The following VAV2 variants were observed in gnomAD, a reference collection of about 807,000 sequenced individuals.
VAV2 encodes the protein vav guanine nucleotide exchange factor 2.
VAV2 carries 67 observed loss-of-function variants against 132.5 expected under a neutral mutation model. The ratio of observed to expected loss-of-function variants is 0.51; its 90% CI spans 0.42 to 0.62. The LOEUF (loss-of-function observed/expected upper bound fraction) is 0.62. VAV2 is among the 20% of genes least tolerant of loss of function. The pLI is 0.00. For missense variants in VAV2, 938 were observed against 1,153.6 expected (o/e 0.81, Z 2.71); for synonymous variants, 492 against 443.5 (o/e 1.11, Z -1.37).
At chr9:133,822,077 C>A (rs1217367021) in intron 4 of VAV2, among the ~76,000 whole-genome samples, 1 of 152,200 alleles carries the variant, frequency 6.6e-6, no homozygotes, top group East Asian at 1.9e-4. Context: ...ACCCTGAGGC[C>A]CCAGCCCAAC....
At chr9:133,933,812 A>ATGAATGGATGAG (rs1840785722) in intron 2 of VAV2, among the ~76,000 whole-genome samples, 1 of 135,370 alleles carries the variant, frequency 7.4e-6, no homozygotes, top group African/African-American at 2.8e-5. Flanking sequence ...TGAATGATGG[A>ATGAATGGATGAG]TGAATGGATG....
intron 2 of VAV2, among the ~76,000 whole-genome samples, chr9:133,906,277 G>C (rs984256488): frequency 1.3e-5 from 2 of 152,316 alleles, no homozygotes; most frequent in East Asian, 1.9e-4. Context: ...TGGAAACGCA[G>C]GGCTGTTTTC....
At chr9:133,982,409 G>A (rs1374357806) in intron 1 of VAV2, among the ~76,000 whole-genome samples, 9 of 126,256 alleles carry the variant, frequency 7.1e-5, no homozygotes, top group African/African-American at 2.6e-4. Context: ...AGGCTGGCAG[G>A]GCAGGAGGCC....
At chr9:133,932,004 T>C (rs1166492227) in intron 2 of VAV2, among the ~76,000 whole-genome samples, 7 of 152,276 alleles carry the variant, frequency 4.6e-5, no homozygotes, top group Middle Eastern at 3.4e-3. Context: ...CTGTGCTCAG[T>C]CCCAGCTCGC....
chr9:133,933,706 GGT>G (rs1840775188), intron 2 of VAV2, among the ~76,000 whole-genome samples: 1 of 145,698 alleles, frequency 6.9e-6, no homozygotes, highest in Non-Finnish European at 1.5e-5. Context: ...ATGGATGGAT[GGT>G]GAGTGGGTGG....
At chr9:133,957,180 C>T (rs635739) in intron 1 of VAV2, among the ~76,000 whole-genome samples, 51,618 of 152,016 alleles carry the variant, frequency 0.34, 9,772 homozygotes, top group Non-Finnish European at 0.43. Context: ...CTGGCAGTTA[C>T]GGGCCTCCCC....
chr9:133,800,193 T>C (rs1251768775), intron 9 of VAV2, among the ~76,000 whole-genome samples: 3 of 152,314 alleles, frequency 2.0e-5, no homozygotes, highest in East Asian at 3.9e-4. Context: ...TCCTATCTGA[T>C]GATGACACCA....
chr9:133,984,272 T>C (rs1842785923), intron 1 of VAV2, among the ~76,000 whole-genome samples: 1 of 148,276 alleles, frequency 6.7e-6, no homozygotes, highest in Non-Finnish European at 1.5e-5. Context: ...CTGTACCTAG[T>C]CTGTCTCTGT....
At position 133,883,599 on chromosome 9, in the gene VAV2, G is replaced by A. The variant is rs1226688857; in HGVS notation, c.322-22167C>T. The stretch of plus-strand genomic sequence containing the variant: ...AAGTCATCCCCAGCCACGGCAGGCA[G>A]GCGGCCCAGCAGCAGGCAGGTTTCA... On this transcript the variant is annotated intron_variant, in intron 2 of 29. Transcript: ENST00000371850. The surrounding 1 kb of genome is among the most constrained non-coding windows in gnomAD (Gnocchi z 4.2). Among the ~76,000 whole-genome samples, 1 of 152,216 alleles carries A rather than the reference G, an allele frequency of 6.6e-6. No homozygotes were observed. The highest frequency in any genetic ancestry group is 1.5e-5 in the Non-Finnish European group (1 of 68,026).
intron 2 of VAV2, among the ~76,000 whole-genome samples, chr9:133,915,505 G>C (rs565307492): frequency 6.6e-6 from 1 of 152,316 alleles, no homozygotes; most frequent in Admixed American, 6.5e-5. Flanking sequence ...AAAGCACCCT[G>C]AAAACAGGAG....
intron 2 of VAV2, among the ~76,000 whole-genome samples, chr9:133,882,063 C>T (rs1838519444): frequency 6.6e-6 from 1 of 152,212 alleles, no homozygotes; most frequent in African/African-American, 2.4e-5. Flanking sequence ...GTGCCGAAAA[C>T]AAAAGAGGCA....
intron 2 of VAV2, among the ~76,000 whole-genome samples, chr9:133,906,145 C>G (rs543607526): frequency 1.8e-4 from 28 of 152,196 alleles, no homozygotes; most frequent in African/African-American, 6.3e-4. Flanking sequence ...TGGCGTGGAT[C>G]CCAAAAGCTA....
At chr9:133,815,887 G>A (rs943389001) in intron 4 of VAV2, among the ~76,000 whole-genome samples, 2 of 152,180 alleles carry the variant, frequency 1.3e-5, no homozygotes, top group Non-Finnish European at 2.9e-5. Flanking sequence ...CAAAGGGGAG[G>A]TCTAGACTCA....
chr9:133,946,863 C>T (rs533531771), intron 1 of VAV2, among the ~76,000 whole-genome samples: 2 of 152,260 alleles, frequency 1.3e-5, no homozygotes, highest in South Asian at 4.1e-4. Context: ...AACAGGTGAC[C>T]CTGGGTGACA....
intron 2 of VAV2, among the ~76,000 whole-genome samples, chr9:133,914,142 A>G (rs1388101026): frequency 6.6e-6 from 1 of 152,210 alleles, no homozygotes; most frequent in African/African-American, 2.4e-5. Flanking sequence ...CTCCAAACCC[A>G]GCATGGGCTG....
intron 1 of VAV2, among the ~76,000 whole-genome samples, chr9:133,957,462 T>C (rs1170340622): frequency 6.6e-6 from 1 of 152,130 alleles, no homozygotes; most frequent in African/African-American, 2.4e-5. Flanking sequence ...ATTTGACTAC[T>C]GGGAATAATA....
rs189130133 is a variant in VAV2 at position 133,945,519 on chromosome 9, G to A, written c.205-6300C>T. ...GGAGGCCCCAGAAGGCAGGTGACCC[G>A]CGATCTGAACCCAGGCCCGGTTCCT... On this transcript the variant is annotated intron_variant, in intron 1 of 29. Transcript: ENST00000371850. Among the ~76,000 whole-genome samples the A allele has an allele frequency of 3.4e-4, 52 of 152,334 alleles. No individual in the cohort carries two copies. In the East Asian group the frequency reaches 8.3e-3, roughly 24 times the overall value.
intron 2 of VAV2, among the ~76,000 whole-genome samples, chr9:133,920,429 T>C (rs774108251): frequency 1.3e-5 from 2 of 152,222 alleles, no homozygotes; most frequent in Non-Finnish European, 2.9e-5. Flanking sequence ...GGTGCTGGGC[T>C]GGCCCAGAAC....
intron 2 of VAV2, among the ~76,000 whole-genome samples, chr9:133,903,072 C>T (rs1839504995): frequency 7.0e-6 from 1 of 142,452 alleles, no homozygotes; most frequent in Non-Finnish European, 1.5e-5. Context: ...CGAAACCCTG[C>T]CCCAGGAAAA....
Sources: allele counts gnomAD v4.1 joint callset (sites outside exome capture counted in the v4.1 genomes callset), GRCh38; gene constraint gnomAD v4.1.1; non-coding constraint Gnocchi (gnomAD v3.1); transcripts MANE v1.5; gene names NCBI Gene and HGNC (gene_info 2026-07-23, HGNC 2026-07-21).